Variants in SLC25A21 observed in about 807,000 individuals in gnomAD.
SLC25A21 encodes the protein mitochondrial 2-oxodicarboxylate carrier.
Under a neutral mutation model 43.8 loss-of-function variants are expected in SLC25A21, and 47 were observed. That is an observed-to-expected ratio of 1.07 (90% confidence interval 0.85 to 1.37). SLC25A21 has a LOEUF of 1.37. SLC25A21 is among the 40% of genes most tolerant of loss of function. The probability of loss-of-function intolerance (pLI) is 0.00; values close to 1 mark genes in which losing one functional copy is unlikely to be tolerated. For missense variants in SLC25A21, 352 were observed against 350.2 expected (o/e 1.00, Z -0.04); for synonymous variants, 131 against 121.3 (o/e 1.08, Z -0.52).
chr14:37,056,367 G>A (rs1961827484), intron 1 of SLC25A21, among the ~76,000 whole-genome samples: 1 of 151,848 alleles, frequency 6.6e-6, no homozygotes, highest in Non-Finnish European at 1.5e-5. Flanking sequence ...GCGGGCGCCT[G>A]TAGTCCCAGC....
chr14:36,958,679 G>GCACACGCACA (rs1959406779), intron 1 of SLC25A21, among the ~76,000 whole-genome samples: 1 of 136,844 alleles, frequency 7.3e-6, no homozygotes, highest in African/African-American at 2.6e-5. Context: ...AAGCACACGT[G>GCACACGCACA]CACACACACA....
intron 1 of SLC25A21, among the ~76,000 whole-genome samples, chr14:37,079,742 C>A (rs541975716): frequency 5.3e-5 from 8 of 152,190 alleles, no homozygotes; most frequent in Admixed American, 2.0e-4. Context: ...TGGAACCTGA[C>A]AAACATTCAG....
intron 1 of SLC25A21, among the ~76,000 whole-genome samples, chr14:37,114,575 A>C (rs1368884191): frequency 6.6e-6 from 1 of 152,188 alleles, no homozygotes; most frequent in Non-Finnish European, 1.5e-5. Flanking sequence ...GAGGGAATAA[A>C]CAATCTGTTT....
chr14:37,159,961 A>T (rs1963911661), intron 1 of SLC25A21, among the ~76,000 whole-genome samples: 1 of 152,224 alleles, frequency 6.6e-6, no homozygotes, highest in Non-Finnish European at 1.5e-5. Context: ...CATATATGAA[A>T]AAATGGTCGG....
chr14:36,715,770 T>C (rs1324685585), intron 6 of SLC25A21, among the ~76,000 whole-genome samples: 1 of 152,204 alleles, frequency 6.6e-6, no homozygotes, highest in Non-Finnish European at 1.5e-5. Context: ...AAATATCTGC[T>C]TAAAAAGTTA....
At chr14:36,853,129 A>C (rs1055850517) in intron 2 of SLC25A21, among the ~76,000 whole-genome samples, 1 of 152,240 alleles carries the variant, frequency 6.6e-6, no homozygotes, top group African/African-American at 2.4e-5. Flanking sequence ...CAACTGTTCA[A>C]GGGGGAAATG....
At chr14:36,870,678 G>A (rs1890343729) in intron 2 of SLC25A21, 1 of 152,086 alleles carries the variant, frequency 6.6e-6, no homozygotes, top group African/African-American at 2.4e-5. Flanking sequence ...ATTGGGGCAG[G>A]GACACTGTTC....
intron 1 of SLC25A21, among the ~76,000 whole-genome samples, chr14:36,882,461 T>C (rs1317605614): frequency 1.3e-5 from 2 of 152,164 alleles, no homozygotes; most frequent in Non-Finnish European, 2.9e-5. Context: ...ATTGCAGCCA[T>C]TGCAGTATTC....
chr14:36,974,995 T>C (rs1324164982), intron 1 of SLC25A21, among the ~76,000 whole-genome samples: 1 of 152,180 alleles, frequency 6.6e-6, no homozygotes, highest in Non-Finnish European at 1.5e-5. Flanking sequence ...AAGAGGATGA[T>C]GACTTCCATT....
intron 1 of SLC25A21, among the ~76,000 whole-genome samples, chr14:37,020,091 T>C (rs944245348): frequency 1.3e-5 from 2 of 151,964 alleles, no homozygotes; most frequent in Non-Finnish European, 1.5e-5. Context: ...AAAGTTAAAC[T>C]CTTATAAATA....
intron 1 of SLC25A21, among the ~76,000 whole-genome samples, chr14:37,052,033 A>G (rs1961718507): frequency 6.6e-6 from 1 of 152,200 alleles, no homozygotes. Context: ...GGTTTGCTTT[A>G]CACTGTGGCT....
At chr14:36,782,953 A>T (rs961543528) in intron 3 of SLC25A21, among the ~76,000 whole-genome samples, 1 of 91,344 alleles carries the variant, frequency 1.1e-5, no homozygotes. Flanking sequence ...AAAGTATAAT[A>T]AAAAAATATA....
chr14:36,989,503 AT>A (rs569204172), intron 1 of SLC25A21, among the ~76,000 whole-genome samples: 3,349 of 144,194 alleles, frequency 0.023, 56 homozygotes, highest in African/African-American at 0.052. Flanking sequence ...TAACTAAATC[AT>A]TTTTTTTTTT....
chr14:36,954,488 C>CATAT (rs545077548), intron 1 of SLC25A21, among the ~76,000 whole-genome samples: 2 of 139,960 alleles, frequency 1.4e-5, no homozygotes, highest in Non-Finnish European at 3.2e-5. Flanking sequence ...CACATACATA[C>CATAT]ATATATATAT....
intron 1 of SLC25A21, among the ~76,000 whole-genome samples, chr14:36,932,771 C>A (rs1338231389): frequency 2.0e-5 from 3 of 151,494 alleles, no homozygotes; most frequent in Non-Finnish European, 4.4e-5. Flanking sequence ...AACAAAGTCC[C>A]CCGAGAAGGG....
intron 2 of SLC25A21, among the ~76,000 whole-genome samples, chr14:36,865,996 T>C (rs1326674447): frequency 2.0e-5 from 3 of 152,178 alleles, no homozygotes; most frequent in African/African-American, 7.2e-5. Context: ...AGCCAAAGTA[T>C]GCATTGGCCT....
At chr14:37,125,717 A>G (rs1042961669) in intron 1 of SLC25A21, among the ~76,000 whole-genome samples, 4 of 152,188 alleles carry the variant, frequency 2.6e-5, no homozygotes, top group African/African-American at 9.7e-5. Context: ...GGTTAAAATA[A>G]GGCAGACTCC....
At position 37,172,274 on chromosome 14, in the gene SLC25A21, TC is replaced by T. The variant is rs1328605040; in HGVS notation, c.70+6del. On this transcript the variant is annotated splice_donor_region_variant and intron_variant, in intron 1 of 9. Coordinates refer to ENST00000331299, the MANE Select transcript of SLC25A21 (RefSeq NM_030631.4). The stretch of plus-strand genomic sequence containing the variant: ...GCCTCCGGCGGGGCAGGGCGGGCTG[TC>T]CTTACCTGCAGAACCACCGGCCACG... 6.3e-7 allele frequency: 1 copy of T among 1,591,156 alleles called. No homozygotes were observed. Among genetic ancestry groups the T allele is most frequent in the Non-Finnish European group, 8.6e-7 (1 of 1,169,192 alleles).
chr14:36,767,389 G>A (rs1370103283), intron 3 of SLC25A21, among the ~76,000 whole-genome samples: 1 of 152,182 alleles, frequency 6.6e-6, no homozygotes. Context: ...CTCACAGGAT[G>A]GCTGCATGTG....
Sources: gnomAD v4.1 joint callset for allele counts (sites outside exome capture counted in the v4.1 genomes callset) on GRCh38, gnomAD v4.1.1 for gene constraint, MANE v1.5 for transcripts, NCBI Gene and HGNC (gene_info 2026-07-23, HGNC 2026-07-21) for gene names.